Variants in CDC73 observed in about 807,000 individuals in gnomAD.
CDC73 encodes the protein parafibromin.
In CDC73, 21 loss-of-function variants were observed where a neutral mutation model predicts 83.7. The observed-to-expected ratio is 0.25, with a 90% CI of 0.18 to 0.36. The LOEUF is 0.36. CDC73 is among the 10% of genes least tolerant of loss of function. The pLI, the probability that CDC73 is intolerant of heterozygous loss-of-function variation, is 1.00. For missense variants in CDC73, 342 were observed against 653.3 expected, an observed-to-expected ratio of 0.52 and a Z score of 5.19; for synonymous variants, 224 against 212.9, an observed-to-expected ratio of 1.05 and a Z score of -0.45.
At chr1:193,162,516 G>C (rs1353434594) in intron 10 of CDC73, among the ~76,000 whole-genome samples, 3 of 151,104 alleles carry the variant, frequency 2.0e-5, no homozygotes, top group Non-Finnish European at 4.4e-5. Flanking sequence ...GAGACTACAG[G>C]CGTGCACCAC....
chr1:193,147,672 A>G (rs1676025669), intron 7 of CDC73, among the ~76,000 whole-genome samples, 195 bp from the exon 8 acceptor site: 1 of 152,186 alleles, frequency 6.6e-6, no homozygotes, highest in African/African-American at 2.4e-5. Context: ...AATGAATACC[A>G]TGGGATTTAC....
At chr1:193,225,200 A>G (rs139444910) in intron 13 of CDC73, among the ~76,000 whole-genome samples, 44 of 151,720 alleles carry the variant, frequency 2.9e-4, no homozygotes, top group Admixed American at 6.6e-5. Flanking sequence ...AGATTGCAGC[A>G]AATGGCATTA....
intron 15 of CDC73, among the ~76,000 whole-genome samples, chr1:193,249,279 A>C (rs992780405): frequency 1.3e-5 from 2 of 152,086 alleles, no homozygotes; most frequent in Admixed American, 6.6e-5. Flanking sequence ...CATTTTAATT[A>C]GGGGATGTAC....
At chr1:193,197,057 A>G (rs1677014616) in intron 10 of CDC73, among the ~76,000 whole-genome samples, 1 of 152,150 alleles carries the variant, frequency 6.6e-6, no homozygotes, top group South Asian at 2.1e-4. Context: ...ATTGAGTAAG[A>G]TGTTAGCTGT....
chr1:193,130,657 C>G (rs528285534), intron 3 of CDC73, among the ~76,000 whole-genome samples: 2 of 152,298 alleles, frequency 1.3e-5, no homozygotes, highest in East Asian at 1.9e-4. Context: ...TGCAAGAGTT[C>G]GTGTGGTATC....
At chr1:193,188,772 A>G (rs1384590892) in intron 10 of CDC73, among the ~76,000 whole-genome samples, 1 of 152,084 alleles carries the variant, frequency 6.6e-6, no homozygotes, top group African/African-American at 2.4e-5. Context: ...GGGTCCCTCC[A>G]GTATCGGATT....
chr1:193,198,005 A>G (rs1247648619), intron 10 of CDC73, among the ~76,000 whole-genome samples: 1 of 151,466 alleles, frequency 6.6e-6, no homozygotes, highest in Non-Finnish European at 1.5e-5. Context: ...TGTGACAGTT[A>G]TTTTTGCCAT....
intron 3 of CDC73, among the ~76,000 whole-genome samples, chr1:193,131,988 C>T (rs1306905794): frequency 6.6e-6 from 1 of 152,180 alleles, no homozygotes; most frequent in Non-Finnish European, 1.5e-5. Flanking sequence ...CCTAAGGGGA[C>T]AGACAGTTGT....
chr1:193,217,952 A>G (rs1677399344), intron 13 of CDC73, among the ~76,000 whole-genome samples: 1 of 152,184 alleles, frequency 6.6e-6, no homozygotes, highest in South Asian at 2.1e-4. Flanking sequence ...AGGCATCCAA[A>G]TAGAGATGCC....
chr1:193,171,666 C>T (rs575803084), intron 10 of CDC73, among the ~76,000 whole-genome samples: 15 of 152,222 alleles, frequency 9.9e-5, no homozygotes, highest in African/African-American at 1.7e-4. Flanking sequence ...TTCTCCCTTC[C>T]TCTTAAGGGT....
At chr1:193,167,463 C>T (rs1676452040) in intron 10 of CDC73, among the ~76,000 whole-genome samples, 1 of 152,068 alleles carries the variant, frequency 6.6e-6, no homozygotes, top group South Asian at 2.1e-4. Flanking sequence ...TTCTGATTGA[C>T]AATTGATGTT....
intron 10 of CDC73, among the ~76,000 whole-genome samples, chr1:193,153,365 AC>A (rs1676154568): frequency 6.6e-6 from 1 of 152,098 alleles, no homozygotes; most frequent in East Asian, 1.9e-4. Context: ...TACCTTTTAT[AC>A]TTTTATTTAT....
At chr1:193,161,630 AT>A (rs5779664) in intron 10 of CDC73, among the ~76,000 whole-genome samples, 8,622 of 21,072 alleles carry the variant, frequency 0.41, 2,952 homozygotes, top group South Asian at 0.49. Flanking sequence ...TATGATAGAT[AT>A]ATAATATATT....
At chr1:193,239,711 A>G (rs1297949548) in intron 15 of CDC73, among the ~76,000 whole-genome samples, 2 of 152,144 alleles carry the variant, frequency 1.3e-5, no homozygotes, top group Admixed American at 1.3e-4. Flanking sequence ...TAGGGTATGT[A>G]TCACCTTGAG....
intron 16 of CDC73, 143 bp downstream of exon 16, chr1:193,250,014 A>AT (rs1678020935): frequency 1.3e-6 from 1 of 758,092 alleles, no homozygotes; most frequent in African/African-American, 1.8e-5. Flanking sequence ...TTCAGTACAT[A>AT]ATTAACAATT....
chr1:193,206,958 A>T (rs531489109), intron 11 of CDC73, among the ~76,000 whole-genome samples: 1 of 152,222 alleles, frequency 6.6e-6, no homozygotes, highest in African/African-American at 2.4e-5. Flanking sequence ...CAAGAGGCAC[A>T]TGTTTTCCAG....
At chr1:193,227,227 T>C (rs1677581483) in intron 13 of CDC73, among the ~76,000 whole-genome samples, 1 of 152,172 alleles carries the variant, frequency 6.6e-6, no homozygotes, top group Admixed American at 6.5e-5. Context: ...TTTCTATTTT[T>C]TTATTTTTGT....
intron 15 of CDC73, among the ~76,000 whole-genome samples, chr1:193,247,731 C>T (rs150737701): frequency 6.6e-6 from 1 of 152,026 alleles, no homozygotes; most frequent in Non-Finnish European, 1.5e-5. Flanking sequence ...GTATGGAAAG[C>T]AGATCAAACC....
Position 193,207,550 on chromosome 1 carries a change from G to C in CDC73, c.1030+3698G>C, listed in dbSNP as rs369784200. ...CCCCCCAGAAATGCATTCCTTCCCCGGGGTATTCCTTGCTGGGAAAAGAAT... is the reference window on the plus strand; with the variant it reads ...CCCCCCAGAAATGCATTCCTTCCCCCGGGTATTCCTTGCTGGGAAAAGAAT... On this transcript the variant is annotated intron_variant, in intron 11 of 16. Transcript: ENST00000367435. 7.9e-5 allele frequency among the ~76,000 whole-genome samples: 12 copies of C among 152,090 alleles called. No homozygotes were observed. The East Asian group carries it at 1.2e-3, about 15-fold the overall frequency.
Sources: allele counts gnomAD v4.1 joint callset (sites outside exome capture counted in the v4.1 genomes callset), GRCh38; gene constraint gnomAD v4.1.1; transcripts MANE v1.5; gene names NCBI Gene and HGNC (gene_info 2026-07-23, HGNC 2026-07-21).